The following L3HYPDH variants were observed in gnomAD, a reference collection of about 807,000 sequenced individuals.
The protein encoded by L3HYPDH is trans-3-hydroxy-L-proline dehydratase.
In L3HYPDH, 32 loss-of-function variants were observed where a neutral mutation model predicts 26.5. That is an observed-to-expected ratio of 1.21 (90% CI 0.91 to 1.62). The LOEUF (loss-of-function observed/expected upper bound fraction) is 1.62. Ranked by LOEUF, L3HYPDH falls within the 40% of genes most tolerant of loss-of-function variation. The pLI, the probability that L3HYPDH is intolerant of heterozygous loss-of-function variation, is 0.00. For synonymous variants in L3HYPDH, 215 were observed against 196.6 expected, an observed-to-expected ratio of 1.09 and a Z score of -0.78; for missense variants, 554 against 476.4, an observed-to-expected ratio of 1.16 and a Z score of -1.52.
At chr14:59,470,491 T>C (rs183534719), downstream of L3HYPDH, among the ~76,000 whole-genome samples, 1 of 152,134 alleles carries the variant, frequency 6.6e-6, no homozygotes, top group African/African-American at 2.4e-5. Flanking sequence ...GAGTTCATGA[T>C]GAAGAGGAGA....
At chr14:59,477,915 T>G (rs574792821) in intron 2 of L3HYPDH, among the ~76,000 whole-genome samples, 1 of 152,348 alleles carries the variant, frequency 6.6e-6, no homozygotes. Flanking sequence ...TGTGTTTTAT[T>G]TATAGGTCCC....
At chr14:59,473,416 G>C (rs1247713666) in intron 4 of L3HYPDH, among the ~76,000 whole-genome samples, 2 of 152,164 alleles carry the variant, frequency 1.3e-5, no homozygotes, top group African/African-American at 4.8e-5. Context: ...CTAACATAGA[G>C]ATAGTTTGGA....
the L3HYPDH span, chr14:59,504,910 A>AGAT: frequency 5.7e-6 from 1 of 174,922 alleles, no homozygotes; most frequent in African/African-American, 2.4e-5. Flanking sequence ...GAAATACAGA[A>AGAT]GATACACAGA....
upstream of L3HYPDH, chr14:59,485,240 C>T: frequency 1.0e-6 from 1 of 992,864 alleles, no homozygotes; most frequent in South Asian, 1.7e-5. Context: ...ATGTAAAGCC[C>T]ATACAGAAGT....
downstream of L3HYPDH, among the ~76,000 whole-genome samples, chr14:59,469,985 G>T (rs530751366): frequency 1.7e-4 from 26 of 152,290 alleles, no homozygotes; most frequent in Middle Eastern, 3.4e-3. Flanking sequence ...AGCAGATAAA[G>T]AAAGCAAAGC....
At position 59,483,980 on chromosome 14, in the gene L3HYPDH, G is replaced by T; in HGVS notation, c.337C>A (p.Arg113Ser). 6.3e-7 allele frequency: 1 copy of T among 1,580,626 alleles called. No individual in the cohort carries two copies. Among genetic ancestry groups the T allele is most frequent in the Non-Finnish European group, 8.6e-7 (1 of 1,168,752 alleles). ...ACAAGCCCGAAGTCCAAAGCGAAGC[G>T]GCCCAGCGCCAGCACTGCGTGGCCG... ...MCGHAVLALGRFALDFGLVPA... is the reference protein window; with the variant it reads ...MCGHAVLALGSFALDFGLVPA... The change falls in exon 1 of 5, where the codon CGC becomes AGC. Residue 113 changes from arginine to serine, a missense_variant. Coordinates refer to ENST00000247194, the MANE Select transcript of L3HYPDH (RefSeq NM_144581.2).
chr14:59,468,846 G>A (rs1004898463), downstream of L3HYPDH, among the ~76,000 whole-genome samples: 9 of 152,188 alleles, frequency 5.9e-5, no homozygotes, highest in Admixed American at 3.9e-4. Context: ...AAAAGTGAGA[G>A]TCTGAAGTGG....
chr14:59,494,636 T>C, the L3HYPDH span, among the ~76,000 whole-genome samples: 2 of 152,200 alleles, frequency 1.3e-5, no homozygotes, highest in African/African-American at 2.4e-5. Context: ...TAGTTACAAA[T>C]TGTTGACAGT....
At chr14:59,466,767 C>T (rs752855932) in intron 1 of L3HYPDH, among the ~76,000 whole-genome samples, 1 of 152,130 alleles carries the variant, frequency 6.6e-6, no homozygotes, top group Admixed American at 6.5e-5. Context: ...TCAGCCTAAG[C>T]GTCATGGACT....
At chr14:59,496,939 A>G in the L3HYPDH span, among the ~76,000 whole-genome samples, 1 of 151,154 alleles carries the variant, frequency 6.6e-6, no homozygotes, top group East Asian at 1.9e-4. Flanking sequence ...ATATAAATGT[A>G]TGGTCAGACT....
At chr14:59,487,550 T>G (rs546552355), upstream of L3HYPDH, 21 of 687,880 alleles carry the variant, frequency 3.1e-5, no homozygotes, top group Non-Finnish European at 3.9e-5. Context: ...TTTTTATTTC[T>G]AAAAGCTGCA....
At chr14:59,477,558 T>C (rs900552260) in intron 2 of L3HYPDH, among the ~76,000 whole-genome samples, 4 of 152,188 alleles carry the variant, frequency 2.6e-5, no homozygotes, top group Non-Finnish European at 5.9e-5. Context: ...TCCATGACTT[T>C]TTCTCTTGAA....
At chr14:59,469,302 C>A (rs1433774526), downstream of L3HYPDH, among the ~76,000 whole-genome samples, 1 of 151,962 alleles carries the variant, frequency 6.6e-6, no homozygotes, top group Non-Finnish European at 1.5e-5. Flanking sequence ...TGCCTGTAAT[C>A]CCAGCACTTT....
chr14:59,468,306 A>G (rs1370631497), downstream of L3HYPDH, among the ~76,000 whole-genome samples: 1 of 152,210 alleles, frequency 6.6e-6, no homozygotes, highest in East Asian at 1.9e-4. Context: ...GCACTGCATG[A>G]TTTGACCCTG....
downstream of L3HYPDH, among the ~76,000 whole-genome samples, chr14:59,471,736 CTT>C (rs1181146419): frequency 6.6e-6 from 1 of 151,998 alleles, no homozygotes; most frequent in Non-Finnish European, 1.5e-5. Flanking sequence ...ATTCATGTGA[CTT>C]GTGAGATTTG....
chr14:59,488,582 T>G (rs914028664), upstream of L3HYPDH, among the ~76,000 whole-genome samples: 7 of 152,058 alleles, frequency 4.6e-5, no homozygotes, highest in Admixed American at 2.0e-4. Flanking sequence ...GGGTTGCAAA[T>G]GAAGAAAAGT....
At chr14:59,476,776 G>A (rs1451096556) in intron 2 of L3HYPDH, among the ~76,000 whole-genome samples, 2 of 152,224 alleles carry the variant, frequency 1.3e-5, no homozygotes, top group Non-Finnish European at 2.9e-5. Context: ...TGTAGACGAT[G>A]AAGTCAGTTG....
At chr14:59,500,413 T>C in the L3HYPDH span, among the ~76,000 whole-genome samples, 6 of 152,228 alleles carry the variant, frequency 3.9e-5, no homozygotes, top group African/African-American at 1.4e-4. Context: ...TTTGTCCATT[T>C]ATTTTAGTGT....
downstream of L3HYPDH, among the ~76,000 whole-genome samples, chr14:59,469,597 G>A (rs1889266014): frequency 1.4e-5 from 2 of 138,222 alleles, no homozygotes; most frequent in Non-Finnish European, 3.1e-5. Flanking sequence ...AGGTTGGGGG[G>A]TAAAAGAAGG....
Sources: allele counts gnomAD v4.1 joint callset (sites outside exome capture counted in the v4.1 genomes callset), GRCh38; gene constraint gnomAD v4.1.1; transcripts MANE v1.5; gene names NCBI Gene and HGNC (gene_info 2026-07-23, HGNC 2026-07-21).